The following PPP2R5E variants were observed in gnomAD, a reference collection of about 807,000 sequenced individuals.
PPP2R5E encodes the protein serine/threonine-protein phosphatase 2A 56 kDa regulatory subunit epsilon isoform.
A neutral mutation model predicts 65.3 loss-of-function variants in PPP2R5E; 4 were observed. The ratio of observed to expected loss-of-function variants is 0.06; its 90% confidence interval spans 0.03 to 0.14. PPP2R5E has a LOEUF of 0.14. PPP2R5E is among the 10% of genes least tolerant of loss of function. The probability of loss-of-function intolerance (pLI) is 1.00; values close to 1 mark genes in which losing one functional copy is unlikely to be tolerated. For missense variants in PPP2R5E, 274 were observed against 556.1 expected (o/e 0.49, Z 5.10); for synonymous variants, 183 against 187.4 (o/e 0.98, Z 0.19).
chr14:63,442,693 T>C (rs1429669505), intron 3 of PPP2R5E, among the ~76,000 whole-genome samples: 1 of 152,200 alleles, frequency 6.6e-6, no homozygotes, highest in African/African-American at 2.4e-5. Flanking sequence ...TGTGACTAAT[T>C]TATAAATTAA....
At chr14:63,438,778 C>T (rs145476947) in intron 3 of PPP2R5E, among the ~76,000 whole-genome samples, 1 of 152,254 alleles carries the variant, frequency 6.6e-6, no homozygotes, top group African/African-American at 2.4e-5. Context: ...CTCTTTAGCA[C>T]ATTTAAATTA....
chr14:63,532,904 A>G (rs987275363), intron 2 of PPP2R5E, among the ~76,000 whole-genome samples: 1 of 152,198 alleles, frequency 6.6e-6, no homozygotes. Context: ...GCACAATCAC[A>G]GCTCACTGCA....
intron 11 of PPP2R5E, among the ~76,000 whole-genome samples, chr14:63,386,359 G>A (rs1884664122): frequency 6.6e-6 from 1 of 152,134 alleles, no homozygotes; most frequent in Non-Finnish European, 1.5e-5. Context: ...TCTATTTTGT[G>A]GATGAAGAAT....
intron 5 of PPP2R5E, among the ~76,000 whole-genome samples, chr14:63,408,335 T>A (rs1389363677): frequency 6.8e-6 from 1 of 146,442 alleles, no homozygotes; most frequent in East Asian, 2.0e-4. Flanking sequence ...TAGAATACTA[T>A]CGGTTTTCTC....
intron 2 of PPP2R5E, among the ~76,000 whole-genome samples, chr14:63,523,579 C>T (rs1481456557): frequency 5.0e-5 from 6 of 120,934 alleles, no homozygotes; most frequent in Admixed American, 3.9e-4. Flanking sequence ...TGCGGAAGGC[C>T]GCAGGGTCCT....
At chr14:63,470,927 C>G (rs17101225) in intron 2 of PPP2R5E, among the ~76,000 whole-genome samples, 2 of 151,990 alleles carry the variant, frequency 1.3e-5, no homozygotes, top group Admixed American at 1.3e-4. Context: ...ATTAATGCAC[C>G]CTGATATTAC....
intron 3 of PPP2R5E, among the ~76,000 whole-genome samples, chr14:63,443,862 T>G (rs547284377): frequency 1.8e-4 from 27 of 152,266 alleles, no homozygotes; most frequent in East Asian, 5.8e-4. Context: ...CAGCATCAAT[T>G]TTACCTCCTA....
chr14:63,512,092 A>T (rs2139700182), intron 2 of PPP2R5E, among the ~76,000 whole-genome samples: 2 of 150,200 alleles, frequency 1.3e-5, no homozygotes, highest in African/African-American at 5.0e-5. Context: ...AAAAAAAAAA[A>T]AAAAAAAAAA....
intron 3 of PPP2R5E, among the ~76,000 whole-genome samples, chr14:63,422,631 C>T (rs928462061): frequency 1.3e-5 from 2 of 148,890 alleles, no homozygotes; most frequent in African/African-American, 5.0e-5. Context: ...GAGGCTGAGG[C>T]AGGAGAATGG....
At chr14:63,435,895 G>A (rs1887931391) in intron 3 of PPP2R5E, among the ~76,000 whole-genome samples, 1 of 152,140 alleles carries the variant, frequency 6.6e-6, no homozygotes, top group South Asian at 2.1e-4. Flanking sequence ...TATTGTACTC[G>A]CTCCAAAATT....
At chr14:63,379,092 A>G (rs1427233708) in intron 13 of PPP2R5E, among the ~76,000 whole-genome samples, 9 of 150,668 alleles carry the variant, frequency 6.0e-5, no homozygotes, top group Non-Finnish European at 1.2e-4. Flanking sequence ...GCAGTGGTGT[A>G]ATCTCGGCTC....
At chr14:63,440,308 G>C (rs1378988701) in intron 3 of PPP2R5E, among the ~76,000 whole-genome samples, 1 of 151,976 alleles carries the variant, frequency 6.6e-6, no homozygotes, top group Non-Finnish European at 1.5e-5. Flanking sequence ...GAGAAAAATT[G>C]AGAAGCAGCG....
intron 5 of PPP2R5E, among the ~76,000 whole-genome samples, chr14:63,414,241 A>G (rs1886564867): frequency 6.6e-6 from 1 of 152,234 alleles, no homozygotes; most frequent in Non-Finnish European, 1.5e-5. Context: ...GCCCCATCCC[A>G]GTAAGGCACA....
chr14:63,503,233 G>C (rs549811501), intron 2 of PPP2R5E, among the ~76,000 whole-genome samples: 4 of 152,208 alleles, frequency 2.6e-5, no homozygotes, highest in African/African-American at 9.6e-5. Flanking sequence ...AAAGCTTCTT[G>C]GGAAGGCCTC....
chr14:63,490,784 G>A (rs1387383124), intron 2 of PPP2R5E, among the ~76,000 whole-genome samples: 1 of 152,072 alleles, frequency 6.6e-6, no homozygotes, highest in East Asian at 1.9e-4. Context: ...CACTGATGAT[G>A]GGATTGTAAA....
intron 11 of PPP2R5E, among the ~76,000 whole-genome samples, chr14:63,389,399 AG>A (rs1436790618): frequency 1.3e-5 from 2 of 152,084 alleles, no homozygotes; most frequent in Non-Finnish European, 2.9e-5. Context: ...GCAGGGTGTT[AG>A]GAGAATTAAA....
intron 2 of PPP2R5E, among the ~76,000 whole-genome samples, chr14:63,499,985 A>G (rs1594944664): frequency 6.6e-6 from 1 of 152,142 alleles, no homozygotes; most frequent in African/African-American, 2.4e-5. Flanking sequence ...TTGACTCATT[A>G]TTTATGCTGA....
In PPP2R5E at chr14:63,382,134, T is replaced by C; in HGVS notation, c.1226A>G (p.Asn409Ser). Residue 409 changes from asparagine (N) to serine (S), a missense_variant, in exon 13 of 14, where the codon AAT (asparagine) becomes AGT (serine). Coordinates refer to ENST00000337537, the MANE Select transcript of PPP2R5E (RefSeq NM_006246.5). ...WNPAIVALVY[N>S]VLKAFMEMNS... ...CATTTCCATAAATGCCTTCAACACA[T>C]TGTACACCAACGCCACAATAGCCCT... 6.2e-7 allele frequency: 1 copy of C among 1,613,920 alleles called. No homozygotes were observed. Among genetic ancestry groups the C allele is most frequent in the South Asian group, 1.1e-5 (1 of 91,058 alleles).
chr14:63,527,933 A>G (rs1893248366), intron 2 of PPP2R5E, among the ~76,000 whole-genome samples: 1 of 152,010 alleles, frequency 6.6e-6, no homozygotes, highest in South Asian at 2.1e-4. Context: ...AGAAAAAAAA[A>G]AAAAAAGTCA....
Sources: gnomAD v4.1 joint callset for allele counts (sites outside exome capture counted in the v4.1 genomes callset) on GRCh38, gnomAD v4.1.1 for gene constraint, MANE v1.5 for transcripts, NCBI Gene and HGNC (gene_info 2026-07-23, HGNC 2026-07-21) for gene names.